MAN1B1: variants seen among roughly 807,000 people sequenced by gnomAD.
The protein encoded by MAN1B1 is mannosidase alpha class 1B member 1.
In MAN1B1, 66 loss-of-function variants were observed where a neutral mutation model predicts 75.5. The ratio of observed to expected loss-of-function variants is 0.87; its 90% CI spans 0.72 to 1.07. MAN1B1 has a LOEUF of 1.07. Among genes scored for constraint, MAN1B1 ranks in the 50% least tolerant of loss-of-function variants. MAN1B1 has a pLI of 0.00. For synonymous variants in MAN1B1, 453 were observed against 382.8 expected (o/e 1.18, Z -2.14); for missense variants, 973 against 912.5 (o/e 1.07, Z -0.85).
At chr9:137,107,181 G>T in intron 10 of MAN1B1, 69 bp from the exon 11 acceptor site, 1 of 1,536,792 alleles carries the variant, frequency 6.5e-7, no homozygotes, top group Non-Finnish European at 8.9e-7. Flanking sequence ...TCCCACGTTG[G>T]CTGCCCGTGC....
chr9:137,098,697 G>A lies in MAN1B1; in HGVS notation c.730+760G>A, dbSNP rs1401507559. On this transcript the variant is annotated intron_variant, in intron 5 of 12. Transcript: ENST00000371589. ...CGTGTGGTTTGGTGCCGTTACACAC[G>A]TGTCAATCCACACATTAGTCAATGT... Among the ~76,000 whole-genome samples, 4 of 152,240 alleles carry A rather than the reference G, an allele frequency of 2.6e-5. No homozygotes were observed. The East Asian group carries it at 5.8e-4, about 22-fold the overall frequency.
chr9:137,088,323 T>C (rs1305473533), intron 2 of MAN1B1, 140 bp downstream of exon 2: 2 of 1,604,120 alleles, frequency 1.2e-6, no homozygotes, highest in South Asian at 1.1e-5. Flanking sequence ...AAGAGAAAGG[T>C]AGAGCTGTAT....
Position 137,096,801 on chromosome 9 carries a change from G to C in MAN1B1, c.620+410G>C, listed in dbSNP as rs561189675. On this transcript the variant is annotated intron_variant, in intron 4 of 12. Coordinates refer to ENST00000371589, the MANE Select transcript of MAN1B1 (RefSeq NM_016219.5). ...CAGAGTGCTGTCCTCTGCCCGGTTC[G>C]TCAAGTCCAGGTAGTGGATCCCAGT... Among the ~76,000 whole-genome samples, 19 of 152,344 alleles carry C rather than the reference G, an allele frequency of 1.2e-4. No homozygotes were observed. In the South Asian group the frequency reaches 3.9e-3, roughly 32 times the overall value.
rs367593676 is a variant in MAN1B1 at position 137,101,101 on chromosome 9, G to T, written c.1013G>T (p.Gly338Val). The change falls in exon 7 of 13, where the codon GGG becomes GTG. Residue 338 changes from glycine to valine, a missense_variant. By Grantham distance (109) the Gly-to-Val change is moderately radical. Coordinates refer to ENST00000371589, the MANE Select transcript of MAN1B1 (RefSeq NM_016219.5). ...LFESTIRILG[G>V]LLSAYHLSGD... ...GAGAGCACGATCCGCATCCTGGGGG[G>T]GCTCCTGAGTGCCTACCACCTGTCT... 13 of 1,614,084 alleles carry T rather than the reference G, an allele frequency of 8.1e-6. No homozygotes were observed. The highest frequency in any genetic ancestry group is 3.3e-5 in the South Asian group (3 of 91,072).
At chr9:137,089,512 C>T (rs1830464660) in intron 3 of MAN1B1, among the ~76,000 whole-genome samples, 1 of 152,156 alleles carries the variant, frequency 6.6e-6, no homozygotes, top group African/African-American at 2.4e-5. Context: ...CAAGGAGGAC[C>T]TTGGCATATG....
At chr9:137,093,255 G>A (rs922214578) in intron 3 of MAN1B1, among the ~76,000 whole-genome samples, 7 of 152,094 alleles carry the variant, frequency 4.6e-5, no homozygotes, top group Admixed American at 3.3e-4. Flanking sequence ...TTAGCCAGGC[G>A]TGGTGGTGCG....
chr9:137,097,892 C>T lies in MAN1B1; in HGVS notation c.685C>T (p.Pro229Ser). ...TELPSRRAEV[P>S]TKPPLPPART... Reference sequence around the variant, plus strand: ...GCTCCCTTCAAGAAGAGCAGAAGTGCCCACCAAGCCTCCCCTGCCACCGGC... The same window carrying T: ...GCTCCCTTCAAGAAGAGCAGAAGTGTCCACCAAGCCTCCCCTGCCACCGGC... Residue 229 changes from proline (P) to serine (S), a missense_variant, in exon 5 of 13, where the codon CCC (proline) becomes TCC (serine). Transcript: ENST00000371589. 3 of 1,560,718 alleles carry T rather than the reference C, an allele frequency of 1.9e-6. No individual in the cohort carries two copies. The highest frequency in any genetic ancestry group is 2.6e-6 in the Non-Finnish European group (3 of 1,153,026).
chr9:137,101,731 AC>A (rs1454162071), intron 8 of MAN1B1, 59 bp downstream of exon 8: 2 of 1,549,504 alleles, frequency 1.3e-6, no homozygotes, highest in East Asian at 4.7e-5. Context: ...TTTGCTCATC[AC>A]AGCAGGTACT....
In MAN1B1 at chr9:137,108,482, CG is replaced by C; in HGVS notation, c.1992del (p.Leu665SerfsTer63). The C allele has an allele frequency of 6.2e-7, 1 of 1,613,878 alleles. No homozygotes were observed. Among genetic ancestry groups the C allele is most frequent in the Non-Finnish European group, 8.5e-7 (1 of 1,179,904 alleles). The part of the protein sequence containing the change: ...DKMESFFLGE[T>X]LKYLFLLFSD... The stretch of plus-strand genomic sequence containing the variant: ...ATGGAGAGCTTCTTCCTGGGGGAGA[CG>C]CTCAAGTATCTGTTCTTGCTCTTCT... On this transcript the variant is annotated frameshift_variant, in exon 13 of 13. Transcript: ENST00000371589. LOFTEE classifies it high-confidence loss of function.
chr9:137,097,482 C>G (rs1385493086), intron 4 of MAN1B1, among the ~76,000 whole-genome samples: 2 of 152,186 alleles, frequency 1.3e-5, no homozygotes, highest in East Asian at 3.8e-4. Flanking sequence ...TTGGGGCCAC[C>G]TCACTGTCAC....
At chr9:137,106,569 T>G in intron 9 of MAN1B1, 120 bp from the exon 10 acceptor site, 1 of 1,523,714 alleles carries the variant, frequency 6.6e-7, no homozygotes, top group East Asian at 2.2e-5. Context: ...GGTGGCACCT[T>G]CTGTCCGGCA....
rs866911519 is a variant in MAN1B1 at position 137,087,198 on chromosome 9, C to T, written c.199C>T (p.Arg67Trp). The T allele has an allele frequency of 2.5e-6, 4 of 1,580,532 alleles. No homozygotes were observed. The highest frequency in any genetic ancestry group is 2.6e-6 in the Non-Finnish European group (3 of 1,162,850). Residue 67 changes from arginine to tryptophan, a missense_variant, in exon 1 of 13, where the codon CGG becomes TGG. Physicochemically the swap from Arg to Trp is moderately radical, Grantham distance 101. Coordinates refer to ENST00000371589, the MANE Select transcript of MAN1B1 (RefSeq NM_016219.5). ...GENYDNSKSW[R>W]RRSCWRKWKQ... The stretch of plus-strand genomic sequence containing the variant: ...GAACTATGACAACAGCAAGAGTTGG[C>T]GGCGGCGCTCGTGCTGGAGGGTGAG...
intron 1 of MAN1B1, among the ~76,000 whole-genome samples, chr9:137,087,756 A>G (rs921972900): frequency 3.3e-5 from 5 of 152,064 alleles, no homozygotes; most frequent in Non-Finnish European, 4.4e-5. Context: ...CTTTTTTCTT[A>G]TCCTCGTCTC....
chr9:137,097,119 G>C (rs1343956781), intron 4 of MAN1B1, among the ~76,000 whole-genome samples: 1 of 152,268 alleles, frequency 6.6e-6, no homozygotes. Context: ...ACGGCCAGGA[G>C]GAGAATTTGA....
intron 3 of MAN1B1, among the ~76,000 whole-genome samples, chr9:137,090,696 C>T (rs994197318): frequency 3.3e-5 from 5 of 152,174 alleles, no homozygotes; most frequent in Middle Eastern, 3.4e-3. Context: ...CCCGACACCA[C>T]GCACAGCTAA....
intron 3 of MAN1B1, among the ~76,000 whole-genome samples, chr9:137,089,750 TG>T (rs1369595854): frequency 6.6e-6 from 1 of 150,686 alleles, no homozygotes; most frequent in Admixed American, 6.6e-5. Context: ...AAAAGCTGAG[TG>T]GGGGGAGGAG....
chr9:137,095,157 C>T (rs1195114558), intron 3 of MAN1B1, among the ~76,000 whole-genome samples: 3 of 151,992 alleles, frequency 2.0e-5, no homozygotes, highest in Non-Finnish European at 4.4e-5. Flanking sequence ...CATTGCACTC[C>T]GGCCTGGGTG....
chr9:137,098,376 G>A (rs912763829), intron 5 of MAN1B1, among the ~76,000 whole-genome samples: 5 of 152,206 alleles, frequency 3.3e-5, no homozygotes, highest in Admixed American at 6.5e-5. Context: ...CCTCTGACAC[G>A]ATAAGCCACT....
At position 137,096,372 on chromosome 9, in the gene MAN1B1, C is replaced by G; in HGVS notation, c.601C>G (p.Pro201Ala). The G allele has an allele frequency of 6.2e-7, 1 of 1,613,720 alleles. No individual in the cohort carries two copies. Among genetic ancestry groups the G allele is most frequent in the South Asian group, 1.1e-5 (1 of 91,064 alleles). Reference protein sequence around the residue: ...APVDPRPEGDPQRTVISWRGA... With the variant: ...APVDPRPEGDAQRTVISWRGA... ...TGTGGATCCCCGCCCGGAAGGAGAT[C>G]CGCAGAGGACAGTCATCAGGTACAG... is the stretch of plus-strand genomic sequence containing the variant. The change falls in exon 4 of 13, where the codon CCG becomes GCG. Residue 201 changes from proline to alanine, a missense_variant. Transcript: ENST00000371589.
Sources: gnomAD v4.1 joint callset for allele counts (sites outside exome capture counted in the v4.1 genomes callset) on GRCh38, gnomAD v4.1.1 for gene constraint, MANE v1.5 for transcripts, NCBI Gene and HGNC (gene_info 2026-07-23, HGNC 2026-07-21) for gene names.